Variants in LAMA3 observed in about 807,000 individuals in gnomAD.
LAMA3 encodes laminin subunit alpha 3.
LAMA3 carries 281 observed loss-of-function variants against 402.0 expected under a neutral mutation model. That is an observed-to-expected ratio of 0.70 (90% CI 0.63 to 0.77). LAMA3 has a LOEUF of 0.77. Ranked by LOEUF, LAMA3 falls within the 30% of genes least tolerant of loss-of-function variation. The pLI, the probability that LAMA3 is intolerant of heterozygous loss-of-function variation, is 0.00. For synonymous variants in LAMA3, 1,431 were observed against 1,558.4 expected, an observed-to-expected ratio of 0.92 and a Z score of 1.93; for missense variants, 3,840 against 4,215.5, an observed-to-expected ratio of 0.91 and a Z score of 2.47.
chr18:23,733,359 A>G (rs1192849279), intron 2 of LAMA3, among the ~76,000 whole-genome samples: 1 of 152,208 alleles, frequency 6.6e-6, no homozygotes, highest in Admixed American at 6.5e-5. Context: ...CCACATGGCT[A>G]GGGAGACCTC....
At chr18:23,920,787 G>T in intron 60 of LAMA3, 148 bp from the exon 61 acceptor site, 1 of 885,180 alleles carries the variant, frequency 1.1e-6, no homozygotes. Context: ...CATCCCGTGA[G>T]GTTGCTGTTG....
chr18:23,709,066 T>G (rs546883017), intron 1 of LAMA3, among the ~76,000 whole-genome samples: 1 of 150,114 alleles, frequency 6.7e-6, no homozygotes, highest in Admixed American at 6.7e-5. Flanking sequence ...CATTTGGAGG[T>G]TTTTTCTTTT....
At position 23,698,202 on chromosome 18, in the gene LAMA3, CT is replaced by C. The variant is rs755879182; in HGVS notation, c.294+8247del. Among the ~76,000 whole-genome samples the C allele has an allele frequency of 7.8e-3, 850 of 108,858 alleles. 3 individuals carry two copies. The highest frequency in any genetic ancestry group is 0.028 in the African/African-American group (756 of 27,484). The allele number at this position is 108,858 out of a possible 152,430, so 71.4% of individuals were successfully genotyped here. A position where few individuals can be genotyped will look rare whatever the true frequency, so the allele number is the denominator to read the frequency against. On this transcript the variant is annotated intron_variant, in intron 1 of 74. Transcript: ENST00000313654. ...GAACCAGCCTGTTTCTCTTCTTCTT[CT>C]TTTTTTTTTTTTTTTTTTTTTGAGA...
chr18:23,791,733 C>CT (rs1307432486), intron 12 of LAMA3, among the ~76,000 whole-genome samples: 1 of 58,150 alleles, frequency 1.7e-5, no homozygotes, highest in Non-Finnish European at 3.3e-5. Flanking sequence ...GAGAATTTGT[C>CT]TAAAAAAAAA....
intron 7 of LAMA3, among the ~76,000 whole-genome samples, chr18:23,760,775 C>T (rs1487627963): frequency 6.6e-6 from 1 of 152,150 alleles, no homozygotes; most frequent in Admixed American, 6.5e-5. Flanking sequence ...AAACAATAGC[C>T]TCAAAGTTCT....
At chr18:23,723,574 C>T (rs1451603229) in intron 2 of LAMA3, among the ~76,000 whole-genome samples, 3 of 152,030 alleles carry the variant, frequency 2.0e-5, no homozygotes, top group African/African-American at 7.2e-5. Context: ...GAGTGCTTCT[C>T]GGTGGATGGG....
At chr18:23,877,812 A>T (rs1462425894) in intron 39 of LAMA3, among the ~76,000 whole-genome samples, 4 of 152,202 alleles carry the variant, frequency 2.6e-5, no homozygotes, top group Non-Finnish European at 5.9e-5. Flanking sequence ...AGATGCTTTA[A>T]TTAAGAATAA....
At chr18:23,902,927 A>G (rs2145138365) in intron 48 of LAMA3, 82 bp from the exon 49 acceptor site, 1 of 807,800 alleles carries the variant, frequency 1.2e-6, no homozygotes, top group East Asian at 2.4e-5. Context: ...GAAATTACGT[A>G]TATGCTATTG....
intron 1 of LAMA3, 136 bp from the exon 2 acceptor site, chr18:23,713,784 A>T: frequency 2.7e-6 from 2 of 743,562 alleles, no homozygotes; most frequent in Non-Finnish European, 4.4e-6. Context: ...AGTGAATTTT[A>T]ACAGCTGACT....
chr18:23,744,748 C>T (rs1379621456), intron 2 of LAMA3, among the ~76,000 whole-genome samples: 1 of 142,480 alleles, frequency 7.0e-6, no homozygotes, highest in South Asian at 2.3e-4. Flanking sequence ...AGGAGAATGG[C>T]GTGAACCTGG....
intron 7 of LAMA3, among the ~76,000 whole-genome samples, chr18:23,758,768 T>A (rs996915176): frequency 3.3e-5 from 5 of 152,250 alleles, no homozygotes; most frequent in African/African-American, 1.2e-4. Flanking sequence ...TACGTTGACC[T>A]CTTTTTTTAG....
chr18:23,826,602 C>T lies in LAMA3; in HGVS notation c.2572-100C>T, dbSNP rs374310152. On this transcript the variant is annotated intron_variant, in intron 21 of 74. Transcript: ENST00000313654. Reference sequence around the variant, plus strand: ...ATGGAGAGTTTAACTAGCGACTTCACCTGGTTATTATTGATTTAACTAGTA... The same window carrying T: ...ATGGAGAGTTTAACTAGCGACTTCATCTGGTTATTATTGATTTAACTAGTA... The T allele has an allele frequency of 5.1e-5, 46 of 900,390 alleles. No homozygotes were observed. The African/African-American group carries it at 6.4e-4, about 13-fold the overall frequency. The allele number at this position is 900,390 out of a possible 1,614,324, so 55.8% of individuals were successfully genotyped here. A position where few individuals can be genotyped will look rare whatever the true frequency, so the allele number is the denominator to read the frequency against.
At chr18:23,841,466 G>A (rs1168257165) in intron 27 of LAMA3, among the ~76,000 whole-genome samples, 1 of 152,074 alleles carries the variant, frequency 6.6e-6, no homozygotes, top group Admixed American at 6.5e-5. Context: ...CATCCAGGAG[G>A]ACTCCCTCTC....
intron 39 of LAMA3, among the ~76,000 whole-genome samples, chr18:23,877,481 G>T (rs1362083720): frequency 6.6e-6 from 1 of 152,206 alleles, no homozygotes; most frequent in Non-Finnish European, 1.5e-5. Context: ...GGCTTCAGTT[G>T]TGTTGTGCCC....
At chr18:23,775,955 CT>C in intron 10 of LAMA3, 32 bp downstream of exon 10, 1 of 1,613,698 alleles carries the variant, frequency 6.2e-7, no homozygotes, top group Non-Finnish European at 8.5e-7. Context: ...AGAGGCCACC[CT>C]TTTTGGTCCA....
chr18:23,840,024 A>G (rs1646530543), intron 27 of LAMA3, 95 bp downstream of exon 27: 7 of 1,329,122 alleles, frequency 5.3e-6, no homozygotes, highest in Non-Finnish European at 7.5e-6. Flanking sequence ...ATGCAGATTC[A>G]CAGACCCACT....
chr18:23,799,922 T>A (rs2062837703), intron 12 of LAMA3, among the ~76,000 whole-genome samples: 1 of 152,232 alleles, frequency 6.6e-6, no homozygotes, highest in African/African-American at 2.4e-5. Flanking sequence ...CATTAGCCTT[T>A]TTGTCTTAAG....
intron 29 of LAMA3, 127 bp from the exon 30 acceptor site, chr18:23,844,882 A>C (rs2063778847): frequency 2.8e-6 from 2 of 702,954 alleles, no homozygotes; most frequent in Non-Finnish European, 2.6e-6. Context: ...GTGCTCAAAA[A>C]GTTTCAGATT....
intron 12 of LAMA3, among the ~76,000 whole-genome samples, chr18:23,798,672 C>A (rs1248072164): frequency 1.3e-5 from 2 of 152,150 alleles, no homozygotes; most frequent in African/African-American, 4.8e-5. Context: ...TTTAAGAGAA[C>A]ATTGAGGTGA....
Sources: allele counts gnomAD v4.1 joint callset (sites outside exome capture counted in the v4.1 genomes callset), GRCh38; gene constraint gnomAD v4.1.1; transcripts MANE v1.5; gene names NCBI Gene and HGNC (gene_info 2026-07-23, HGNC 2026-07-21).